The following DCAF11 variants were observed in gnomAD, a reference collection of about 807,000 sequenced individuals.
DCAF11 encodes the protein DDB1 and CUL4 associated factor 11, also known as DDB1- and CUL4-associated factor 11.
Under a neutral mutation model 76.1 loss-of-function variants are expected in DCAF11, and 44 were observed. That is an observed-to-expected ratio of 0.58 (90% CI 0.45 to 0.74). The LOEUF (loss-of-function observed/expected upper bound fraction) is 0.74. DCAF11 is among the 30% of genes least tolerant of loss of function. DCAF11 has a pLI of 0.00. For synonymous variants in DCAF11, 258 were observed against 255.0 expected, an observed-to-expected ratio of 1.01 and a Z score of -0.11; for missense variants, 604 against 709.4, an observed-to-expected ratio of 0.85 and a Z score of 1.69.
rs1357563544 is a variant in DCAF11 at position 24,115,483 on chromosome 14, T to G, written c.-112T>G. ...GGGTCACCCTCCTAGAGATAGCTAC[T>G]ACCCCGTCTCAGGAGACCCTGGTAT... On this transcript the variant is annotated 5_prime_UTR_variant, in exon 2 of 15. Transcript: ENST00000446197. 1.4e-6 allele frequency: 2 copies of G among 1,464,000 alleles called. No individual in the cohort carries two copies. The highest frequency in any genetic ancestry group is 2.8e-5 in the African/African-American group (2 of 70,702). 90.7% of individuals were successfully genotyped at this position (1,464,000 alleles called of 1,614,324 possible).
At chr14:24,116,782 T>C (rs2037583845) in intron 2 of DCAF11, 135 bp from the exon 3 acceptor site, 1 of 1,283,744 alleles carries the variant, frequency 7.8e-7, no homozygotes. Flanking sequence ...AGACCAAAAA[T>C]AACAGCCAAG....
intron 12 of DCAF11, 84 bp downstream of exon 12, chr14:24,121,075 C>A: frequency 6.5e-7 from 1 of 1,536,872 alleles, no homozygotes; most frequent in Non-Finnish European, 8.8e-7. Context: ...CTTTGCCAGG[C>A]ATTAACTCTT....
rs565492284 is a variant in DCAF11, at chr14:24,116,750, C to A, written c.156-167C>A. 5.3e-5 allele frequency among the ~76,000 whole-genome samples: 8 copies of A among 152,344 alleles called. No individual in the cohort carries two copies. In the South Asian group the frequency reaches 1.7e-3, roughly 32 times the overall value. Reference sequence around the variant, plus strand: ...GCTCTTGCTGTAAGAGTAAAACTCTCTTTCCTACTGTGTTTTATAGGAGAC... The same window carrying A: ...GCTCTTGCTGTAAGAGTAAAACTCTATTTCCTACTGTGTTTTATAGGAGAC... On this transcript the variant is annotated intron_variant, in intron 2 of 14. Coordinates refer to ENST00000446197, the MANE Select transcript of DCAF11 (RefSeq NM_025230.5).
At position 24,115,408 on chromosome 14, in the gene DCAF11, G is replaced by A; in HGVS notation, c.-187G>A. ...ATTGGAGAAGGTTTGTGTTCCCGACGCCTTGGTAGTTGGCATAGGCTAAAG... is the reference window on the plus strand; with the variant it reads ...ATTGGAGAAGGTTTGTGTTCCCGACACCTTGGTAGTTGGCATAGGCTAAAG... On this transcript the variant is annotated 5_prime_UTR_variant, in exon 2 of 15. Transcript: ENST00000446197. 1 of 692,120 alleles carries A rather than the reference G, an allele frequency of 1.4e-6. No homozygotes were observed. The highest frequency in any genetic ancestry group is 2.2e-6 in the Non-Finnish European group (1 of 453,066). 42.9% of individuals were successfully genotyped at this position (692,120 alleles called of 1,614,324 possible). A position where few individuals can be genotyped will look rare whatever the true frequency, so the allele number is the denominator to read the frequency against.
rs2037730094 is a variant in DCAF11, at chr14:24,123,464, T to G, written c.*155T>G. On this transcript the variant is annotated 3_prime_UTR_variant, in exon 15 of 15. Coordinates refer to ENST00000446197, the MANE Select transcript of DCAF11 (RefSeq NM_025230.5). Reference sequence around the variant, plus strand: ...TGAGCCTCAGCTGAGCCCTGGAAGATTCTCCCCATGGGGCAGAGTGGTCTC... The same window carrying G: ...TGAGCCTCAGCTGAGCCCTGGAAGAGTCTCCCCATGGGGCAGAGTGGTCTC... 8.2e-7 allele frequency: 1 copy of G among 1,222,358 alleles called. No individual in the cohort carries two copies. Among genetic ancestry groups the G allele is most frequent in the Non-Finnish European group, 1.1e-6 (1 of 931,712 alleles). 75.7% of individuals were successfully genotyped at this position (1,222,358 alleles called of 1,614,324 possible). A position where few individuals can be genotyped will look rare whatever the true frequency, so the allele number is the denominator to read the frequency against.
Position 24,123,285 on chromosome 14 carries a change from T to G in DCAF11, c.1617T>G (p.Ser539=), listed in dbSNP as rs1244131487. ...ASAPAPVPQS[S]TPFSSPQ ...CCCCTGCCCCAGTGCCCCAATCCTC[T>G]ACACCCTTTTCCTCACCCCAGTAGA... The change falls in exon 15 of 15, where the codon TCT becomes TCG. Residue 539 remains serine, a synonymous_variant. Transcript: ENST00000446197. The G allele has an allele frequency of 6.5e-7, 1 of 1,543,686 alleles. No individual in the cohort carries two copies. Among genetic ancestry groups the G allele is most frequent in the Admixed American group, 2.0e-5 (1 of 50,914 alleles).
Position 24,115,727 on chromosome 14 carries a change from G to A in DCAF11, c.133G>A (p.Val45Ile), listed in dbSNP as rs1480214184. 1.2e-6 allele frequency: 2 copies of A among 1,613,602 alleles called. No homozygotes were observed. The highest frequency in any genetic ancestry group is 1.7e-6 in the Non-Finnish European group (2 of 1,179,860). The change falls in exon 2 of 15, where the codon GTA (valine) becomes ATA (isoleucine). Residue 45 changes from valine to isoleucine, a missense_variant. Transcript: ENST00000446197. The stretch of plus-strand genomic sequence containing the variant: ...GGATGAAGATGTGGATCTGGCCCAG[G>A]TACTGGCCTATCTCCTCCGCAGGTA... ...EEDEDVDLAQ[V>I]LAYLLRRGQV...
At chr14:24,121,611 C>G in intron 13 of DCAF11, 94 bp downstream of exon 13, 1 of 1,408,870 alleles carries the variant, frequency 7.1e-7, no homozygotes, top group South Asian at 1.3e-5. Flanking sequence ...TTAAAAAGCC[C>G]AGTGACAGCT....
rs2037605892 is a variant in DCAF11, at chr14:24,117,568, A to G, written c.412-100A>G. ...GGGACAGACTATGATGTGTGTGTCC[A>G]TTTCTATAACAAGAGCAATATCTTT... On this transcript the variant is annotated intron_variant, in intron 4 of 14. Coordinates refer to ENST00000446197, the MANE Select transcript of DCAF11 (RefSeq NM_025230.5). The surrounding 1 kb of genome is among the most constrained non-coding windows in gnomAD (Gnocchi z 4.3). 1 of 1,528,810 alleles carries G rather than the reference A, an allele frequency of 6.5e-7. No individual in the cohort carries two copies. 94.7% of individuals were successfully genotyped at this position (1,528,810 alleles called of 1,614,324 possible).
chr14:24,119,420 C>A, intron 9 of DCAF11, 139 bp from the exon 10 acceptor site: 1 of 1,261,278 alleles, frequency 7.9e-7, no homozygotes, highest in Non-Finnish European at 1.1e-6. Flanking sequence ...ACACAGCTAA[C>A]TCTTCCCCCA....
rs769957880 is a variant in DCAF11, at chr14:24,119,182, G to C, written c.817G>C (p.Val273Leu). Residue 273 changes from valine to leucine, a missense_variant, in exon 9 of 15, where the codon GTC becomes CTC. Transcript: ENST00000446197. ...ERRFAVFSIA[V>L]SSDGREVLGG... Reference sequence around the variant, plus strand: ...TCGCTTTGCTGTCTTCTCCATTGCTGTCTCCTCAGATGGACGAGAAGTACT... The same window carrying C: ...TCGCTTTGCTGTCTTCTCCATTGCTCTCTCCTCAGATGGACGAGAAGTACT... The C allele has an allele frequency of 6.2e-7, 1 of 1,614,188 alleles. No homozygotes were observed. The highest frequency in any genetic ancestry group is 2.2e-5 in the East Asian group (1 of 44,886).
intron 13 of DCAF11, 43 bp from the exon 14 acceptor site, chr14:24,122,928 T>A (rs755572414): frequency 6.4e-7 from 1 of 1,573,022 alleles, no homozygotes; most frequent in Non-Finnish European, 8.7e-7. Flanking sequence ...ATAGTTTAGA[T>A]GTCTTGTGGT....
rs1467331953 is a variant in DCAF11, at chr14:24,119,586, T to C, written c.876T>C (p.Phe292=). The change falls in exon 10 of 15, where the codon TTT becomes TTC. Residue 292 remains phenylalanine, a synonymous_variant. Transcript: ENST00000446197. ...GGANDGCLYV[F]DREQNRRTLQ... is the part of the protein sequence containing the mutation. ...CCAATGATGGCTGCCTGTATGTCTT[T>C]GACCGAGAACAGAACCGGCGCACCC... 3.1e-6 allele frequency: 5 copies of C among 1,614,244 alleles called. No homozygotes were observed. In the South Asian group the frequency reaches 4.4e-5, roughly 14 times the overall value.
rs1480378992 is a variant in DCAF11, at chr14:24,121,443, G to A, written c.1325G>A (p.Arg442His). The stretch of plus-strand genomic sequence containing the variant: ...CACGGAGTGCTGCACACCCTCATCC[G>A]CTGCCGGTTCTCCCCCATTCATAGC... ...RGHGVLHTLI[R>H]CRFSPIHSTG... Residue 442 changes from arginine to histidine, a missense_variant, in exon 13 of 15, where the codon CGC becomes CAC. Coordinates refer to ENST00000446197, the MANE Select transcript of DCAF11 (RefSeq NM_025230.5). 13 of 1,614,054 alleles carry A rather than the reference G, an allele frequency of 8.1e-6. No homozygotes were observed. The highest frequency in any genetic ancestry group is 1.3e-5 in the African/African-American group (1 of 74,922).
At chr14:24,116,728 C>T (rs973791283) in intron 2 of DCAF11, among the ~76,000 whole-genome samples, 189 bp from the exon 3 acceptor site, 3 of 152,176 alleles carry the variant, frequency 2.0e-5, no homozygotes, top group Admixed American at 1.3e-4. Flanking sequence ...TGGTCTTGCT[C>T]TTGCTGTAAG....
intron 13 of DCAF11, 80 bp from the exon 14 acceptor site, chr14:24,122,891 G>T: frequency 2.3e-6 from 3 of 1,304,782 alleles, no homozygotes; most frequent in Non-Finnish European, 3.2e-6. Context: ...AGGCAGGTCA[G>T]TGGTGCTACT....
At position 24,114,853 on chromosome 14, in the gene DCAF11, G is replaced by C. The variant is rs1341146558; in HGVS notation, c.-654G>C. 1.0e-6 allele frequency: 1 copy of C among 985,846 alleles called. No homozygotes were observed. Among genetic ancestry groups the C allele is most frequent in the Non-Finnish European group, 1.2e-6 (1 of 829,972 alleles). The allele number at this position is 985,846 out of a possible 1,614,324, so 61.1% of individuals were successfully genotyped here. A position where few individuals can be genotyped will look rare whatever the true frequency, so the allele number is the denominator to read the frequency against. ...GAAGCGCGTGACGGAGGAGCGGTTG[G>C]CCAACGCAGTGGCGGCAGTCGGTGT... On this transcript the variant is annotated 5_prime_UTR_variant, in exon 1 of 15. Transcript: ENST00000446197.
chr14:24,119,208 A>G lies in DCAF11; in HGVS notation c.843A>G (p.Leu281=), dbSNP rs372901344. The G allele has an allele frequency of 2.0e-5, 32 of 1,614,192 alleles. No homozygotes were observed. The Middle Eastern group carries it at 1.8e-3, about 92-fold the overall frequency. ...IAVSSDGREV[L]GGANDGCLYV... ...TCTCCTCAGATGGACGAGAAGTACT[A>G]GGAGGGTAAGTGCTTGTGGGGTATG... The change falls in exon 9 of 15, where the codon CTA becomes CTG. Residue 281 remains leucine (L), a synonymous_variant. Transcript: ENST00000446197.
At chr14:24,121,114 A>G in intron 12 of DCAF11, 123 bp downstream of exon 12, 1 of 1,401,972 alleles carries the variant, frequency 7.1e-7, no homozygotes, top group Non-Finnish European at 9.6e-7. Context: ...TGGAATGGCC[A>G]GAGGTTCCTA....
Sources: allele counts gnomAD v4.1 joint callset (sites outside exome capture counted in the v4.1 genomes callset), GRCh38; gene constraint gnomAD v4.1.1; non-coding constraint Gnocchi (gnomAD v3.1); transcripts MANE v1.5; gene names NCBI Gene and HGNC (gene_info 2026-07-23, HGNC 2026-07-21).